Variants in PAX3 observed in about 807,000 individuals in gnomAD.
PAX3 encodes the protein paired box protein Pax-3.
Under a neutral mutation model 51.6 loss-of-function variants are expected in PAX3, and 14 were observed. That is an observed-to-expected ratio of 0.27 (90% confidence interval 0.18 to 0.42). The LOEUF is 0.42. Ranked by LOEUF, PAX3 falls within the 10% of genes least tolerant of loss-of-function variation. The pLI is 1.00. For synonymous variants in PAX3, 280 were observed against 253.4 expected, an observed-to-expected ratio of 1.11 and a Z score of -1.00; for missense variants, 540 against 642.8, an observed-to-expected ratio of 0.84 and a Z score of 1.73.
intron 4 of PAX3, among the ~76,000 whole-genome samples, chr2:222,254,603 A>G (rs570681625): frequency 5.3e-5 from 8 of 152,326 alleles, no homozygotes; most frequent in South Asian, 2.1e-4. Flanking sequence ...GCAAGAGAAC[A>G]TTGTGGCTAG....
Position 222,247,411 on chromosome 2 carries a change from C to T in PAX3, c.587-15128G>A, listed in dbSNP as rs181670565. Reference sequence around the variant, plus strand: ...ATTTTTTCCCACTATTAGTCAGAGACGTTCATGTTTTGTGCTAAATGTGCT... The same window carrying T: ...ATTTTTTCCCACTATTAGTCAGAGATGTTCATGTTTTGTGCTAAATGTGCT... On this transcript the variant is annotated intron_variant, in intron 4 of 8. Transcript: ENST00000392070. Among the ~76,000 whole-genome samples, 111 of 152,198 alleles carry T rather than the reference C, an allele frequency of 7.3e-4. 1 individual carries two copies. Among genetic ancestry groups the T allele is most frequent in the South Asian group, 2.1e-3 (10 of 4,804 alleles).
intron 5 of PAX3, among the ~76,000 whole-genome samples, chr2:222,223,442 A>G (rs1011964527): frequency 6.6e-6 from 1 of 152,176 alleles, no homozygotes; most frequent in African/African-American, 2.4e-5. Flanking sequence ...GTGCTTTCTC[A>G]CTGCCCCGGT....
At position 222,288,437 on chromosome 2, in the gene PAX3, A is replaced by G. The variant is rs183344352; in HGVS notation, c.586+5730T>C. ...TGGAAATATACATGAGAGTCATCTA[A>G]CCATCTATAAACACAGAAATTATGG... is the stretch of plus-strand genomic sequence containing the variant. On this transcript the variant is annotated intron_variant, in intron 4 of 8. Coordinates refer to ENST00000392070, the MANE Select transcript of PAX3 (RefSeq NM_181458.4). 3.9e-5 allele frequency among the ~76,000 whole-genome samples: 6 copies of G among 152,364 alleles called. No homozygotes were observed. The East Asian group carries it at 9.6e-4, about 24-fold the overall frequency.
At chr2:222,249,504 A>T (rs905805526) in intron 4 of PAX3, among the ~76,000 whole-genome samples, 1 of 152,184 alleles carries the variant, frequency 6.6e-6, no homozygotes, top group African/African-American at 2.4e-5. Context: ...GTTTCAAAAA[A>T]GGTTTGAGTA....
chr2:222,252,087 A>G (rs1347802530), intron 4 of PAX3, among the ~76,000 whole-genome samples: 2 of 152,224 alleles, frequency 1.3e-5, no homozygotes, highest in East Asian at 3.8e-4. Flanking sequence ...TTGAAAAAAG[A>G]AGAGTAACAT....
intron 4 of PAX3, among the ~76,000 whole-genome samples, chr2:222,251,569 T>G (rs2106126242): frequency 6.6e-6 from 1 of 152,342 alleles, no homozygotes; most frequent in East Asian, 1.9e-4. Flanking sequence ...ACAATAAACA[T>G]ACATGTGCAT....
chr2:222,298,933 G>A lies in PAX3; in HGVS notation c.-318C>T. 2.1e-6 allele frequency: 1 copy of A among 485,798 alleles called. No individual in the cohort carries two copies. Among genetic ancestry groups the A allele is most frequent in the Admixed American group, 3.5e-5 (1 of 28,480 alleles). The allele number at this position is 485,798 out of a possible 1,614,324, so 30.1% of individuals were successfully genotyped here. A position where few individuals can be genotyped will look rare whatever the true frequency, so the allele number is the denominator to read the frequency against. ...AAGGGGGCTCAGAGAGCCACGGCGA[G>A]CCGGGGAGCCTGGTGAGGCTGGAGC... On this transcript the variant is annotated 5_prime_UTR_variant, in exon 1 of 9. Transcript: ENST00000392070.
intron 4 of PAX3, among the ~76,000 whole-genome samples, chr2:222,269,411 G>A: frequency 6.6e-6 from 1 of 152,130 alleles, no homozygotes; most frequent in East Asian, 1.9e-4. Context: ...AAAAGAGAAA[G>A]GGGCTTTAAT....
At chr2:222,289,124 T>C (rs965413401) in intron 4 of PAX3, among the ~76,000 whole-genome samples, 2 of 152,270 alleles carry the variant, frequency 1.3e-5, no homozygotes, top group African/African-American at 4.8e-5. Context: ...TTGTTAGTTA[T>C]ATATGTACAT....
chr2:222,258,570 T>G lies in PAX3; in HGVS notation c.587-26287A>C, dbSNP rs182294122. Among the ~76,000 whole-genome samples the G allele has an allele frequency of 1.2e-3, 188 of 152,276 alleles. 4 individuals are homozygous for G. The Middle Eastern group carries it at 0.014, about 11-fold the overall frequency. On this transcript the variant is annotated intron_variant, in intron 4 of 8. Transcript: ENST00000392070. ...CTAGAGATAAACTTTGACCTGTTGTTTGATAATCACACTTTTTCTGAAGAT... is the reference window on the plus strand; with the variant it reads ...CTAGAGATAAACTTTGACCTGTTGTGTGATAATCACACTTTTTCTGAAGAT...
intron 4 of PAX3, among the ~76,000 whole-genome samples, chr2:222,291,791 C>G (rs371508382): frequency 2.0e-5 from 3 of 152,264 alleles, no homozygotes; most frequent in East Asian, 3.9e-4. Flanking sequence ...ATTTTTGATG[C>G]CCGAACAACA....
At chr2:222,230,283 A>G (rs528793388) in intron 5 of PAX3, among the ~76,000 whole-genome samples, 40 of 152,116 alleles carry the variant, frequency 2.6e-4, no homozygotes, top group African/African-American at 8.9e-4. Context: ...GAACCTGGAA[A>G]CCATCATTCT....
At chr2:222,287,717 A>T (rs1694881005) in intron 4 of PAX3, among the ~76,000 whole-genome samples, 2 of 152,242 alleles carry the variant, frequency 1.3e-5, no homozygotes, top group Admixed American at 1.3e-4. Context: ...AATGTTTGGT[A>T]GTAAATATTT....
At chr2:222,293,679 T>G (rs747073477) in intron 4 of PAX3, 1 of 1,614,106 alleles carries the variant, frequency 6.2e-7, no homozygotes, top group Non-Finnish European at 8.5e-7. Flanking sequence ...TGGGGGCAAT[T>G]TTGGAGGGCC....
chr2:222,258,279 T>G (rs1186603476), intron 4 of PAX3, among the ~76,000 whole-genome samples: 2 of 150,258 alleles, frequency 1.3e-5, no homozygotes, highest in East Asian at 4.4e-4. Flanking sequence ...GTGGGAATAA[T>G]AATATTTACC....
At position 222,298,337 on chromosome 2, in the gene PAX3, A is replaced by T. The variant is rs1695416825; in HGVS notation, c.85+194T>A. The stretch of plus-strand genomic sequence containing the variant: ...ACCGCCCAGCTCCGCCAGGATTTGC[A>T]GAGAGCAGCGCGCTCCATTTGCAGA... On this transcript the variant is annotated intron_variant, in intron 1 of 8. Transcript: ENST00000392070. The T allele has an allele frequency of 5.0e-6, 3 of 599,928 alleles. No individual in the cohort carries two copies. The Admixed American group carries it at 8.7e-5, about 17-fold the overall frequency. The allele number at this position is 599,928 out of a possible 1,614,324, so 37.2% of individuals were successfully genotyped here.
intron 4 of PAX3, among the ~76,000 whole-genome samples, chr2:222,283,899 G>A (rs1694736396): frequency 6.6e-6 from 1 of 152,252 alleles, no homozygotes; most frequent in Non-Finnish European, 1.5e-5. Flanking sequence ...GCGCCAGAGG[G>A]AGAAACATGG....
At chr2:222,278,670 C>A (rs1333490664) in intron 4 of PAX3, among the ~76,000 whole-genome samples, 3 of 152,206 alleles carry the variant, frequency 2.0e-5, no homozygotes, top group Non-Finnish European at 4.4e-5. Flanking sequence ...GGGAATTGTG[C>A]CCTAGCAGGT....
At chr2:222,251,462 G>A (rs944769264) in intron 4 of PAX3, among the ~76,000 whole-genome samples, 3 of 152,108 alleles carry the variant, frequency 2.0e-5, no homozygotes, top group African/African-American at 4.8e-5. Flanking sequence ...GCATTACTAT[G>A]CATTCCATGG....
Sources: gnomAD v4.1 joint callset for allele counts (sites outside exome capture counted in the v4.1 genomes callset) on GRCh38, gnomAD v4.1.1 for gene constraint, MANE v1.5 for transcripts, NCBI Gene and HGNC (gene_info 2026-07-23, HGNC 2026-07-21) for gene names.